The following IL34 variants were observed in gnomAD, a reference collection of about 807,000 sequenced individuals.
IL34 encodes the protein interleukin-34.
A neutral mutation model predicts 25.3 loss-of-function variants in IL34; 17 were observed. The observed-to-expected ratio is 0.67, with a 90% CI of 0.46 to 1.01. IL34 has a LOEUF of 1.01. Among genes scored for constraint, IL34 ranks in the 50% least tolerant of loss-of-function variants. IL34 has a pLI of 0.00. For synonymous variants in IL34, 174 were observed against 140.9 expected (o/e 1.23, Z -1.66); for missense variants, 368 against 312.9 (o/e 1.18, Z -1.33).
rs561449035 is a variant in IL34 at position 70,640,582 on chromosome 16, C to T, written c.-400-5966C>T. Among the ~76,000 whole-genome samples, 15 of 150,894 alleles carry T rather than the reference C, an allele frequency of 9.9e-5. No individual in the cohort carries two copies. The East Asian group carries it at 2.7e-3, about 28-fold the overall frequency. ...GAGGTTGTAGTGAGCCGAGATCTTG[C>T]CACTGCACTCCAGCCAGGGCGACAG... On this transcript the variant is annotated intron_variant, in intron 1 of 6. Coordinates refer to the IL34 transcript ENST00000429149.
chr16:70,606,833 C>G (rs1407417638), intron 1 of IL34, among the ~76,000 whole-genome samples: 1 of 152,194 alleles, frequency 6.6e-6, no homozygotes, highest in African/African-American at 2.4e-5. Flanking sequence ...GATGATCCTC[C>G]TGCCCCAGCC....
upstream of IL34, among the ~76,000 whole-genome samples, chr16:70,642,488 G>A (rs922001515): frequency 3.3e-5 from 5 of 152,000 alleles, no homozygotes; most frequent in African/African-American, 1.2e-4. Flanking sequence ...AGTGGAGACG[G>A]TGTTTCACCA....
intron 1 of IL34, among the ~76,000 whole-genome samples, chr16:70,640,447 A>G (rs1339381317): frequency 5.3e-5 from 8 of 151,920 alleles, no homozygotes; most frequent in Admixed American, 2.6e-4. Flanking sequence ...AACAAGATGA[A>G]ACCCTGTCTC....
chr16:70,592,947 C>T (rs774805876), intron 1 of IL34, among the ~76,000 whole-genome samples: 76 of 152,266 alleles, frequency 5.0e-4, no homozygotes, highest in African/African-American at 1.7e-3. Flanking sequence ...GCCACCGTGC[C>T]GGCCCTATTT....
At chr16:70,607,479 T>C (rs551469385) in intron 1 of IL34, among the ~76,000 whole-genome samples, 1 of 152,258 alleles carries the variant, frequency 6.6e-6, no homozygotes, top group East Asian at 1.9e-4. Context: ...TATGCATCCC[T>C]CCCCCTTTTT....
At chr16:70,621,099 G>A (rs1356430330) in intron 1 of IL34, among the ~76,000 whole-genome samples, 4 of 151,986 alleles carry the variant, frequency 2.6e-5, no homozygotes, top group South Asian at 4.2e-4. Context: ...CTAGGAAAGC[G>A]GGACTTGTCG....
intron 1 of IL34, among the ~76,000 whole-genome samples, chr16:70,623,084 G>T (rs1785733869): frequency 6.6e-6 from 1 of 152,030 alleles, no homozygotes; most frequent in Admixed American, 6.6e-5. Context: ...TTTTTATGAA[G>T]AATTATGCTG....
At chr16:70,590,775 C>T (rs1029315962) in intron 1 of IL34, among the ~76,000 whole-genome samples, 2 of 152,176 alleles carry the variant, frequency 1.3e-5, no homozygotes, top group African/African-American at 2.4e-5. Flanking sequence ...CCAGGCAGTC[C>T]GGCTTGAGCC....
At chr16:70,601,952 C>T (rs569891716) in intron 1 of IL34, among the ~76,000 whole-genome samples, 2 of 152,344 alleles carry the variant, frequency 1.3e-5, no homozygotes, top group East Asian at 3.9e-4. Context: ...ACACACTTTC[C>T]AGCTTTTGAG....
chr16:70,649,453 T>C (rs1469972430), intron 1 of IL34, among the ~76,000 whole-genome samples: 1 of 152,174 alleles, frequency 6.6e-6, no homozygotes, highest in African/African-American at 2.4e-5. Context: ...CTGCTGAGCA[T>C]GTCTTTTGGA....
intron 1 of IL34, 65 bp from the exon 2 acceptor site, chr16:70,654,473 C>A (rs762711224): frequency 4.6e-6 from 7 of 1,523,310 alleles, no homozygotes; most frequent in Non-Finnish European, 6.2e-6. Flanking sequence ...CTCGGCTTTG[C>A]GTGTTGTGGA....
intron 1 of IL34, among the ~76,000 whole-genome samples, chr16:70,636,729 C>G (rs1231587721): frequency 6.6e-6 from 1 of 151,982 alleles, no homozygotes; most frequent in Non-Finnish European, 1.5e-5. Flanking sequence ...GATTGTGCCA[C>G]TGCACTCCAG....
chr16:70,630,754 G>C (rs1378338123), intron 1 of IL34, among the ~76,000 whole-genome samples: 1 of 151,804 alleles, frequency 6.6e-6, no homozygotes, highest in Non-Finnish European at 1.5e-5. Context: ...ATATTTTTTT[G>C]TAGAGACGGG....
intron 1 of IL34, among the ~76,000 whole-genome samples, chr16:70,609,268 G>A (rs1208359880): frequency 1.3e-5 from 2 of 151,720 alleles, no homozygotes; most frequent in Admixed American, 6.6e-5. Flanking sequence ...TAGTAGAGAC[G>A]GGGTTTCGCC....
intron 1 of IL34, among the ~76,000 whole-genome samples, chr16:70,599,630 A>C (rs2050886620): frequency 6.7e-6 from 1 of 150,064 alleles, no homozygotes; most frequent in South Asian, 2.1e-4. Flanking sequence ...CCGCCTCGGC[A>C]GTCCAAAGTG....
At position 70,659,662 on chromosome 16, in the gene IL34, G is replaced by A; in HGVS notation, c.447G>A (p.Leu149=). Residue 149 remains leucine (L), a synonymous_variant, in exon 5 of 6, where the codon TTG becomes TTA. Coordinates refer to ENST00000288098, the MANE Select transcript of IL34 (RefSeq NM_001393494.1). Reference sequence around the variant, plus strand: ...AGGTGGAATCCGTGTTGTCCCTCTTGAATGCCCCAGGGCCAAACCTGAAGC... The same window carrying A: ...AGGTGGAATCCGTGTTGTCCCTCTTAAATGCCCCAGGGCCAAACCTGAAGC... The part of the protein sequence containing the change: ...SPKVESVLSL[L]NAPGPNLKLV... 1.2e-6 allele frequency: 2 copies of A among 1,613,122 alleles called. No individual in the cohort carries two copies. The highest frequency in any genetic ancestry group is 2.2e-5 in the East Asian group (1 of 44,868).
chr16:70,622,928 G>A (rs1281921529), intron 1 of IL34, among the ~76,000 whole-genome samples: 1 of 152,054 alleles, frequency 6.6e-6, no homozygotes, highest in Non-Finnish European at 1.5e-5. Context: ...CAAATTGTTT[G>A]GACAGAAAGG....
chr16:70,644,125 C>A (rs150463086), upstream of IL34, among the ~76,000 whole-genome samples: 1,194 of 152,272 alleles, frequency 7.8e-3, 19 homozygotes, highest in African/African-American at 0.027. Flanking sequence ...CAGGCATGCA[C>A]CACCACACCT....
At chr16:70,602,750 G>A (rs1330849428) in intron 1 of IL34, among the ~76,000 whole-genome samples, 1 of 152,018 alleles carries the variant, frequency 6.6e-6, no homozygotes, top group South Asian at 2.1e-4. Context: ...ATGTTGCCCA[G>A]GCTGATCTTG....
Sources: gnomAD v4.1 joint callset for allele counts (sites outside exome capture counted in the v4.1 genomes callset) on GRCh38, gnomAD v4.1.1 for gene constraint, MANE v1.5 for transcripts, NCBI Gene and HGNC (gene_info 2026-07-23, HGNC 2026-07-21) for gene names.